The following ZBTB20 variants were observed in gnomAD, a reference collection of about 807,000 sequenced individuals.
The protein encoded by ZBTB20 is zinc finger and BTB domain containing 20.
In ZBTB20, 9 loss-of-function variants were observed where a neutral mutation model predicts 56.9. The ratio of observed to expected loss-of-function variants is 0.16; its 90% CI spans 0.10 to 0.28. The LOEUF is 0.28. Among genes scored for constraint, ZBTB20 ranks in the 10% least tolerant of loss-of-function variants. The probability of loss-of-function intolerance (pLI) is 1.00; values close to 1 mark genes in which losing one functional copy is unlikely to be tolerated. For synonymous variants in ZBTB20, 417 were observed against 420.7 expected (o/e 0.99, Z 0.11); for missense variants, 655 against 1,003.0 (o/e 0.65, Z 4.69).
chr3:114,996,227 C>T (rs2108185086), intron 2 of ZBTB20, among the ~76,000 whole-genome samples: 1 of 151,788 alleles, frequency 6.6e-6, no homozygotes, highest in African/African-American at 2.4e-5. Flanking sequence ...TATTATTATG[C>T]TTTAAGCTCC....
rs563289494 is a variant in ZBTB20, at chr3:114,432,165, A to C, written c.-254-43060T>G. On this transcript the variant is annotated intron_variant, in intron 7 of 11. Transcript: ENST00000675478. ...ACACTCCCTGAAGGATTTTGATTCCATTAGAAAAAAAAAAAAAGACAGTGA... is the reference window on the plus strand; with the variant it reads ...ACACTCCCTGAAGGATTTTGATTCCCTTAGAAAAAAAAAAAAAGACAGTGA... Among the ~76,000 whole-genome samples the C allele has an allele frequency of 9.4e-5, 3 of 31,938 alleles. No homozygotes were observed. In the South Asian group the frequency reaches 0.014, roughly 149 times the overall value. 21.0% of individuals were successfully genotyped at this position (31,938 alleles called of 152,430 possible).
chr3:114,919,207 A>C (rs902187849), intron 3 of ZBTB20, among the ~76,000 whole-genome samples: 1 of 152,200 alleles, frequency 6.6e-6, no homozygotes, highest in South Asian at 2.1e-4. Flanking sequence ...CTGGGGGAAA[A>C]GCAAGATACA....
intron 2 of ZBTB20, among the ~76,000 whole-genome samples, chr3:115,069,514 T>C (rs1488486070): frequency 6.6e-6 from 1 of 152,012 alleles, no homozygotes; most frequent in African/African-American, 2.4e-5. Flanking sequence ...TTTACTTATG[T>C]CACACATGTG....
intron 1 of ZBTB20, among the ~76,000 whole-genome samples, chr3:115,073,043 A>G (rs2082466966): frequency 6.6e-6 from 1 of 152,232 alleles, no homozygotes; most frequent in Non-Finnish European, 1.5e-5. Flanking sequence ...GTCAGTCATT[A>G]TCAGTGTCAT....
At chr3:114,847,750 C>G (rs2074787943) in intron 4 of ZBTB20, among the ~76,000 whole-genome samples, 1 of 152,100 alleles carries the variant, frequency 6.6e-6, no homozygotes, top group South Asian at 2.1e-4. Context: ...CAACCTTACT[C>G]CAGCACTTGT....
At chr3:115,093,636 T>C (rs1479565677) in intron 1 of ZBTB20, among the ~76,000 whole-genome samples, 1 of 152,204 alleles carries the variant, frequency 6.6e-6, no homozygotes, top group East Asian at 1.9e-4. Flanking sequence ...CATGTGATGC[T>C]GTTTGGGGGC....
intron 2 of ZBTB20, among the ~76,000 whole-genome samples, chr3:115,064,841 G>C (rs2082149578): frequency 6.6e-6 from 1 of 152,086 alleles, no homozygotes; most frequent in Admixed American, 6.6e-5. Flanking sequence ...GCCAATGTAT[G>C]AGGCCTATAT....
chr3:115,048,829 T>G (rs1346291116), intron 2 of ZBTB20, among the ~76,000 whole-genome samples: 4 of 152,172 alleles, frequency 2.6e-5, no homozygotes, highest in Admixed American at 2.0e-4. Context: ...ACAGTAATTT[T>G]TGGATGATAT....
At chr3:115,031,669 T>C (rs2080685783) in intron 2 of ZBTB20, among the ~76,000 whole-genome samples, 1 of 151,512 alleles carries the variant, frequency 6.6e-6, no homozygotes, top group Non-Finnish European at 1.5e-5. Context: ...TTATATGGTG[T>C]AGTTAATTGA....
At chr3:114,472,785 G>C (rs1436017586) in intron 7 of ZBTB20, among the ~76,000 whole-genome samples, 1 of 152,112 alleles carries the variant, frequency 6.6e-6, no homozygotes, top group Non-Finnish European at 1.5e-5. Flanking sequence ...GTTGACCCTG[G>C]GGAAGCTTCA....
At chr3:114,551,601 A>G (rs890085679) in intron 6 of ZBTB20, among the ~76,000 whole-genome samples, 1 of 152,222 alleles carries the variant, frequency 6.6e-6, no homozygotes, top group Non-Finnish European at 1.5e-5. Context: ...CATAAGCAAC[A>G]AAGTGAAGAA....
At chr3:114,537,187 C>A (rs1041561514) in intron 6 of ZBTB20, among the ~76,000 whole-genome samples, 1 of 152,148 alleles carries the variant, frequency 6.6e-6, no homozygotes, top group Non-Finnish European at 1.5e-5. Context: ...AAACTATCAT[C>A]AGAGTGAACA....
intron 5 of ZBTB20, among the ~76,000 whole-genome samples, chr3:114,770,190 C>T (rs1851601): frequency 0.82 from 124,080 of 151,824 alleles, 52,193 homozygotes; most frequent in East Asian, 0.98. Flanking sequence ...ACTCACAAAT[C>T]GCCACTAAAG....
chr3:114,560,915 T>C (rs564684523), intron 6 of ZBTB20, among the ~76,000 whole-genome samples: 1 of 152,346 alleles, frequency 6.6e-6, no homozygotes, highest in African/African-American at 2.4e-5. Context: ...TCTTTCAAAA[T>C]TGGAGCCAAT....
chr3:114,985,434 A>G (rs1301778774), intron 2 of ZBTB20, among the ~76,000 whole-genome samples: 2 of 152,098 alleles, frequency 1.3e-5, no homozygotes, highest in Admixed American at 1.3e-4. Flanking sequence ...TATTTTGAAA[A>G]AGTTCTAAAC....
chr3:115,124,779 C>T (rs1290576957), intron 1 of ZBTB20, among the ~76,000 whole-genome samples: 1 of 151,914 alleles, frequency 6.6e-6, no homozygotes, highest in Non-Finnish European at 1.5e-5. Flanking sequence ...AAACATGTTT[C>T]TCTATAGAAA....
chr3:114,904,185 G>A (rs1368879243), intron 3 of ZBTB20: 2 of 152,114 alleles, frequency 1.3e-5, no homozygotes, highest in African/African-American at 4.8e-5. Flanking sequence ...GTGTTCTCCA[G>A]TGGGATAGGT....
chr3:114,888,994 T>C (rs1009581390), intron 4 of ZBTB20, among the ~76,000 whole-genome samples: 1 of 152,118 alleles, frequency 6.6e-6, no homozygotes, highest in African/African-American at 2.4e-5. Flanking sequence ...CTTCTTTTGA[T>C]ATGCTTAACA....
rs576528864 is a variant in ZBTB20 at position 114,506,968 on chromosome 3, G to A, written c.-294-6577C>T. 7.2e-5 allele frequency among the ~76,000 whole-genome samples: 11 copies of A among 152,290 alleles called. No homozygotes were observed. In the East Asian group the frequency reaches 1.2e-3, roughly 16 times the overall value. On this transcript the variant is annotated intron_variant, in intron 6 of 11. Transcript: ENST00000675478. ...TAGCATAGTGTGTGAAACACAGCAC[G>A]ACACTCCAATGTTTGTTGAATAAAT...
Sources: gnomAD v4.1 joint callset for allele counts (sites outside exome capture counted in the v4.1 genomes callset) on GRCh38, gnomAD v4.1.1 for gene constraint, MANE v1.5 for transcripts, NCBI Gene and HGNC (gene_info 2026-07-23, HGNC 2026-07-21) for gene names.